COL18A1: variants seen among roughly 807,000 people sequenced by gnomAD.
COL18A1 encodes collagen type XVIII alpha 1 chain, also known as collagen alpha-1(XVIII) chain.
COL18A1 carries 133 observed loss-of-function variants against 168.0 expected under a neutral mutation model. That is an observed-to-expected ratio of 0.79 (90% CI 0.69 to 0.91). The LOEUF is 0.91. COL18A1 is among the 40% of genes least tolerant of loss of function. The pLI, the probability that COL18A1 is intolerant of heterozygous loss-of-function variation, is 0.00. For missense variants in COL18A1, 2,126 were observed against 1,925.4 expected, an observed-to-expected ratio of 1.10 and a Z score of -1.95; for synonymous variants, 949 against 809.0, an observed-to-expected ratio of 1.17 and a Z score of -2.94.
At chr21:45,433,570 G>C (rs992652654) in intron 2 of COL18A1, among the ~76,000 whole-genome samples, 1 of 152,212 alleles carries the variant, frequency 6.6e-6, no homozygotes, top group Non-Finnish European at 1.5e-5. Context: ...CGTGGCTGTC[G>C]TGGCCCCTGT....
Position 45,505,398 on chromosome 21 carries a change from T to C in COL18A1, c.3054T>C (p.Pro1018=), listed in dbSNP as rs772401557. 1.3e-5 allele frequency: 21 copies of C among 1,582,100 alleles called. No homozygotes were observed. In the East Asian group the frequency reaches 4.0e-4, roughly 30 times the overall value. The part of the protein sequence containing the change: ...VPGPPGPPGP[P]GPPGTMGASS... ...GCCCTCCGGGCCCCCCTGGGCCCCC[T>C]GGGCCCCCTGGAACCATGGGCGCCT... Residue 1018 remains proline, a synonymous_variant, in exon 36 of 42, where the codon CCT becomes CCC. Transcript: ENST00000651438.
intron 2 of COL18A1, among the ~76,000 whole-genome samples, chr21:45,453,223 CATGT>C (rs1194882265): frequency 6.6e-6 from 1 of 152,112 alleles, no homozygotes; most frequent in Non-Finnish European, 1.5e-5. Flanking sequence ...CATGTATGTA[CATGT>C]GTGTGCTTGT....
At chr21:45,437,335 CAG>C (rs1475073229) in intron 2 of COL18A1, among the ~76,000 whole-genome samples, 26 of 72,022 alleles carry the variant, frequency 3.6e-4, no homozygotes, top group East Asian at 4.2e-4. Context: ...CACACACACT[CAG>C]ACACACAGGC....
intron 26 of COL18A1, chr21:45,493,913 C>T (rs1033220951): frequency 1.7e-5 from 6 of 359,322 alleles, no homozygotes; most frequent in African/African-American, 1.2e-4. Context: ...TCAGCCTCAG[C>T]AGGTTTCTGG....
Position 45,437,704 on chromosome 21 carries a change from ACT to A in COL18A1, c.107-30536_107-30535del, listed in dbSNP as rs1394678564. Reference sequence around the variant, plus strand: ...CACTCTCCTGCACACACACACACACACTCAGACACACAGGCACTCTCCTGCAC... The same window carrying A: ...CACTCTCCTGCACACACACACACACACAGACACACAGGCACTCTCCTGCAC... On this transcript the variant is annotated intron_variant, in intron 2 of 41. Coordinates refer to ENST00000651438, the MANE Select transcript of COL18A1 (RefSeq NM_001379500.1). 1.5e-3 allele frequency among the ~76,000 whole-genome samples: 90 copies of A among 58,818 alleles called. 10 individuals are homozygous for A. Among genetic ancestry groups the A allele is most frequent in the African/African-American group, 2.7e-3 (24 of 8,894 alleles). The allele number at this position is 58,818 out of a possible 152,430, so 38.6% of individuals were successfully genotyped here. A position where few individuals can be genotyped will look rare whatever the true frequency, so the allele number is the denominator to read the frequency against.
chr21:45,458,900 C>T (rs1449102948), intron 2 of COL18A1, among the ~76,000 whole-genome samples: 2 of 152,218 alleles, frequency 1.3e-5, no homozygotes, highest in African/African-American at 4.8e-5. Context: ...AGTTGGGGCA[C>T]AGCTGCATGG....
intron 2 of COL18A1, among the ~76,000 whole-genome samples, chr21:45,437,624 GCA>G (rs561785406): frequency 1.6e-4 from 5 of 31,608 alleles, no homozygotes; most frequent in East Asian, 1.4e-3. Flanking sequence ...GCACTCTCCT[GCA>G]CACACACTCA....
chr21:45,475,503 G>A lies in COL18A1; in HGVS notation c.766G>A (p.Gly256Arg), dbSNP rs574811209. The A allele has an allele frequency of 1.7e-5, 28 of 1,606,862 alleles. No homozygotes were observed. The African/African-American group carries it at 2.3e-4, about 13-fold the overall frequency. ...ATCCGGAGACTCTGGCAGCGGGCTC[G>A]GGGACGCCCGGGAGCTTCTCAGGGA... ...GASGDSGSGL[G>R]DARELLREET... The change falls in exon 5 of 42, where the codon GGG becomes AGG. Residue 256 changes from glycine to arginine, a missense_variant. By Grantham distance (125) the Gly-to-Arg change is moderately radical (BLOSUM62 -2). Transcript: ENST00000651438.
At chr21:45,461,527 G>A (rs2145871583) in intron 2 of COL18A1, among the ~76,000 whole-genome samples, 1 of 152,228 alleles carries the variant, frequency 6.6e-6, no homozygotes, top group East Asian at 1.9e-4. Flanking sequence ...CCCCCCTGCA[G>A]GGCTCTTCCT....
At chr21:45,411,773 GGGGCA>G (rs1569273630) in intron 2 of COL18A1, among the ~76,000 whole-genome samples, 8 of 134,488 alleles carry the variant, frequency 5.9e-5, no homozygotes, top group African/African-American at 1.6e-4. Context: ...GGGTGGGGGG[GGGGCA>G]GGCTGTGGTC....
At chr21:45,434,378 A>G (rs955332923) in intron 2 of COL18A1, among the ~76,000 whole-genome samples, 2 of 152,052 alleles carry the variant, frequency 1.3e-5, no homozygotes, top group Admixed American at 1.3e-4. Flanking sequence ...TACCTTTCCC[A>G]TCTGACCCCC....
intron 2 of COL18A1, among the ~76,000 whole-genome samples, chr21:45,436,354 C>G (rs1009547013): frequency 3.3e-5 from 5 of 152,340 alleles, no homozygotes; most frequent in Admixed American, 6.5e-5. Context: ...GTGCAGTGGG[C>G]AGAAGCCTGC....
chr21:45,422,125 TCA>T lies in COL18A1; in HGVS notation c.106+16657_106+16658del, dbSNP rs577446406. On this transcript the variant is annotated intron_variant, in intron 2 of 41. Coordinates refer to ENST00000651438, the MANE Select transcript of COL18A1 (RefSeq NM_001379500.1). ...CACACACACGTTCACACACACAGGCTCACACATACAGGTTCACATACACATGG... is the reference window on the plus strand; with the variant it reads ...CACACACACGTTCACACACACAGGCTCACATACAGGTTCACATACACATGG... 1.2e-4 allele frequency among the ~76,000 whole-genome samples: 18 copies of T among 151,752 alleles called. No homozygotes were observed. In the South Asian group the frequency reaches 3.8e-3, roughly 32 times the overall value.
Position 45,498,578 on chromosome 21 carries a change from C to T in COL18A1, c.2683+917C>T, listed in dbSNP as rs1019507352. The T allele has an allele frequency of 1.5e-5, 11 of 716,384 alleles. No individual in the cohort carries two copies. Among genetic ancestry groups the T allele is most frequent in the African/African-American group, 1.0e-4 (6 of 57,228 alleles). The allele number at this position is 716,384 out of a possible 1,614,324, so 44.4% of individuals were successfully genotyped here. On this transcript the variant is annotated intron_variant, in intron 32 of 41. Transcript: ENST00000651438. This position sits in a 1 kb window ranked among gnomAD's most constrained non-coding sequence, Gnocchi z 4.5. ...CTGGGGTGGGAAGGGACCAGGCAGG[C>T]AGAGGCCGAGTCTGGGCCGGGACAT... is the stretch of plus-strand genomic sequence containing the variant.
chr21:45,452,918 T>A (rs921803038), intron 2 of COL18A1, among the ~76,000 whole-genome samples: 9 of 152,076 alleles, frequency 5.9e-5, no homozygotes, highest in Middle Eastern at 3.4e-3. Flanking sequence ...TACATGTGTG[T>A]GAGTATTCAC....
At chr21:45,501,585 C>G (rs1046984384) in intron 32 of COL18A1, among the ~76,000 whole-genome samples, 3 of 152,160 alleles carry the variant, frequency 2.0e-5, no homozygotes, top group African/African-American at 7.2e-5. Context: ...CCAGGGCATC[C>G]TCAGCCCTCA....
rs193054561 is a variant in COL18A1, at chr21:45,489,022, G to A, written c.1924-464G>A. Among the ~76,000 whole-genome samples, 23 of 152,290 alleles carry A rather than the reference G, an allele frequency of 1.5e-4. No homozygotes were observed. The East Asian group carries it at 2.7e-3, about 18-fold the overall frequency. ...CACCCCGCTGCGTGCTCATCAAAGC[G>A]TCCTCTGCTGCGTGCGGGGCCAAGG... On this transcript the variant is annotated intron_variant, in intron 18 of 41. Transcript: ENST00000651438.
chr21:45,473,201 G>A lies in COL18A1; in HGVS notation c.652-694G>A, dbSNP rs532230913. ...TCCTGTGTCCTTGCCCAGCATCCCC[G>A]GCCTGCATCTCACCAGGCACCGCCG... On this transcript the variant is annotated intron_variant, in intron 3 of 41. Coordinates refer to ENST00000651438, the MANE Select transcript of COL18A1 (RefSeq NM_001379500.1). This position sits in a 1 kb window ranked among gnomAD's most constrained non-coding sequence, Gnocchi z 4.0. 1.4e-4 allele frequency among the ~76,000 whole-genome samples: 21 copies of A among 152,302 alleles called. No homozygotes were observed. The highest frequency in any genetic ancestry group is 1.9e-4 in the East Asian group (1 of 5,160).
At position 45,468,390 on chromosome 21, in the gene COL18A1, C is replaced by T. The variant is rs2035293356; in HGVS notation, c.255C>T (p.Pro85=). 1 of 1,614,020 alleles carries T rather than the reference C, an allele frequency of 6.2e-7. No homozygotes were observed. The highest frequency in any genetic ancestry group is 1.1e-5 in the South Asian group (1 of 91,092). The change falls in exon 3 of 42, where the codon CCC becomes CCT. Residue 85 remains proline, a synonymous_variant. Coordinates refer to ENST00000651438, the MANE Select transcript of COL18A1 (RefSeq NM_001379500.1). ...NSGQVARYHF[P]SLFFRDFSLL... ...GCCAAGTGGCCCGGTACCACTTCCC[C>T]AGCCTCTTCTTCCGTGACTTCTCAC...
Sources: allele counts gnomAD v4.1 joint callset (sites outside exome capture counted in the v4.1 genomes callset), GRCh38; gene constraint gnomAD v4.1.1; non-coding constraint Gnocchi (gnomAD v3.1); transcripts MANE v1.5; gene names NCBI Gene and HGNC (gene_info 2026-07-23, HGNC 2026-07-21).